Variants in PLCXD3 observed in about 807,000 individuals in gnomAD.
PLCXD3 encodes the protein phosphatidylinositol specific phospholipase C X domain containing 3.
In PLCXD3, 19 loss-of-function variants were observed where a neutral mutation model predicts 25.5. The ratio of observed to expected loss-of-function variants is 0.75; its 90% CI spans 0.52 to 1.09. The LOEUF is 1.09. PLCXD3 is among the 50% of genes least tolerant of loss of function. PLCXD3 has a pLI of 0.00. For missense variants in PLCXD3, 411 were observed against 388.1 expected, an observed-to-expected ratio of 1.06 and a Z score of -0.50; for synonymous variants, 174 against 137.6, an observed-to-expected ratio of 1.26 and a Z score of -1.85.
At chr5:41,423,042 CA>C (rs1746866203) in intron 1 of PLCXD3, among the ~76,000 whole-genome samples, 1 of 151,998 alleles carries the variant, frequency 6.6e-6, no homozygotes, top group African/African-American at 2.4e-5. Context: ...TGAATATTAT[CA>C]AATGCCTTTT....
At position 41,338,432 on chromosome 5, in the gene PLCXD3, C is replaced by T. The variant is rs192461793; in HGVS notation, c.813-24662G>A. ...CCTGAGAATAGCCCTGCTACTACCGCCCCTACTAACATGCGTGCATGCATG... is the reference window on the plus strand; with the variant it reads ...CCTGAGAATAGCCCTGCTACTACCGTCCCTACTAACATGCGTGCATGCATG... On this transcript the variant is annotated intron_variant, in intron 2 of 2. Coordinates refer to ENST00000377801, the MANE Select transcript of PLCXD3 (RefSeq NM_001005473.3). Among the ~76,000 whole-genome samples the T allele has an allele frequency of 4.8e-3, 737 of 152,150 alleles. 5 individuals are homozygous for T. The highest frequency in any genetic ancestry group is 0.01 in the Admixed American group (153 of 15,254).
intron 1 of PLCXD3, chr5:41,475,510 A>T (rs1748262806): frequency 2.2e-6 from 1 of 464,068 alleles, no homozygotes; most frequent in East Asian, 5.6e-5. Flanking sequence ...TTCCCTACCT[A>T]TCTCTATTTG....
chr5:41,464,578 T>C (rs1208424338), intron 1 of PLCXD3, among the ~76,000 whole-genome samples: 1 of 152,018 alleles, frequency 6.6e-6, no homozygotes, highest in Non-Finnish European at 1.5e-5. Context: ...ACTTAAAGTA[T>C]AATAAAAAAA....
Position 41,309,022 on chromosome 5 carries a change from CA to C in PLCXD3, c.*4594del, listed in dbSNP as rs1219743847. 3.3e-5 allele frequency: 5 copies of C among 152,428 alleles called. No individual in the cohort carries two copies. The highest frequency in any genetic ancestry group is 4.8e-5 in the African/African-American group (2 of 41,406). The allele number at this position is 152,428 out of a possible 1,614,324, so 9.4% of individuals were successfully genotyped here. A position where few individuals can be genotyped will look rare whatever the true frequency, so the allele number is the denominator to read the frequency against. ...CTGTTTCAATTTTAAATCCAAATTG[CA>C]AAAACAACAAAAAAGTGTTAATAAA... is the stretch of plus-strand genomic sequence containing the variant. On this transcript the variant is annotated 3_prime_UTR_variant, in exon 3 of 3. Coordinates refer to ENST00000377801, the MANE Select transcript of PLCXD3 (RefSeq NM_001005473.3).
At chr5:41,438,175 C>T (rs1243560320) in intron 1 of PLCXD3, among the ~76,000 whole-genome samples, 2 of 152,060 alleles carry the variant, frequency 1.3e-5, no homozygotes, top group East Asian at 3.9e-4. Context: ...TTAGAACAGC[C>T]CCGACAGACT....
At chr5:41,390,055 C>G (rs953450511) in intron 1 of PLCXD3, among the ~76,000 whole-genome samples, 17 of 152,092 alleles carry the variant, frequency 1.1e-4, no homozygotes, top group African/African-American at 3.9e-4. Flanking sequence ...ATATATCACT[C>G]TAAGTTAGTT....
chr5:41,308,642 G>C lies in PLCXD3; in HGVS notation c.*4975C>G, dbSNP rs1743056670. On this transcript the variant is annotated 3_prime_UTR_variant, in exon 3 of 3. Transcript: ENST00000377801. Reference sequence around the variant, plus strand: ...AAGAGAACCATGTTGGAACCACCTAGTATGGATGGGCCTTTAAAAGCTCTC... The same window carrying C: ...AAGAGAACCATGTTGGAACCACCTACTATGGATGGGCCTTTAAAAGCTCTC... The C allele has an allele frequency of 6.6e-6, 1 of 152,134 alleles. No individual in the cohort carries two copies. Among genetic ancestry groups the C allele is most frequent in the Non-Finnish European group, 1.5e-5 (1 of 68,018 alleles). The allele number at this position is 152,134 out of a possible 1,614,324, so 9.4% of individuals were successfully genotyped here. A position where few individuals can be genotyped will look rare whatever the true frequency, so the allele number is the denominator to read the frequency against.
At chr5:41,328,763 C>G (rs7703589) in intron 2 of PLCXD3, among the ~76,000 whole-genome samples, 12,845 of 152,144 alleles carry the variant, frequency 0.084, 827 homozygotes, top group East Asian at 0.35. Flanking sequence ...GTCGTCTTCT[C>G]ATATGCTGAC....
At chr5:41,506,392 G>C (rs570583282) in intron 1 of PLCXD3, among the ~76,000 whole-genome samples, 1 of 152,158 alleles carries the variant, frequency 6.6e-6, no homozygotes, top group East Asian at 1.9e-4. Flanking sequence ...GAATTAGAGA[G>C]GCAGAACAAG....
intron 1 of PLCXD3, among the ~76,000 whole-genome samples, chr5:41,449,309 A>G (rs899170803): frequency 2.0e-5 from 3 of 152,196 alleles, no homozygotes; most frequent in Non-Finnish European, 2.9e-5. Context: ...TGACTAAACA[A>G]GATTGATTTT....
intron 2 of PLCXD3, among the ~76,000 whole-genome samples, chr5:41,364,603 A>G (rs951677398): frequency 2.0e-5 from 3 of 152,176 alleles, no homozygotes; most frequent in East Asian, 1.9e-4. Flanking sequence ...ATATTATTAG[A>G]TCTCAGAGAC....
intron 1 of PLCXD3, among the ~76,000 whole-genome samples, chr5:41,439,289 A>G (rs1439447756): frequency 6.6e-6 from 1 of 152,178 alleles, no homozygotes; most frequent in Non-Finnish European, 1.5e-5. Context: ...TGCCTATCCA[A>G]CATTTATTTT....
intron 1 of PLCXD3, among the ~76,000 whole-genome samples, chr5:41,452,727 T>G (rs1747663816): frequency 6.6e-6 from 1 of 152,052 alleles, no homozygotes; most frequent in South Asian, 2.1e-4. Context: ...GTTAATGATT[T>G]TTTTGTGCAA....
intron 1 of PLCXD3, chr5:41,475,700 C>T (rs780603898): frequency 3.7e-6 from 2 of 534,782 alleles, no homozygotes; most frequent in Admixed American, 1.9e-5. Flanking sequence ...TTGAGACCAT[C>T]ACTACGACAG....
intron 2 of PLCXD3, among the ~76,000 whole-genome samples, chr5:41,341,004 C>G (rs1744124844): frequency 6.6e-6 from 1 of 152,050 alleles, no homozygotes; most frequent in South Asian, 2.1e-4. Context: ...GTAAGGTATT[C>G]TAAATAAATG....
chr5:41,469,809 G>A (rs1013727167), intron 1 of PLCXD3, among the ~76,000 whole-genome samples: 2 of 152,110 alleles, frequency 1.3e-5, no homozygotes, highest in East Asian at 3.9e-4. Flanking sequence ...TGCTAGTGGT[G>A]TTTTCTTTAC....
At chr5:41,381,645 G>T (rs1244486060) in intron 2 of PLCXD3, among the ~76,000 whole-genome samples, 181 bp downstream of exon 2, 1 of 151,984 alleles carries the variant, frequency 6.6e-6, no homozygotes, top group Non-Finnish European at 1.5e-5. Context: ...AGACTTCTAG[G>T]TTTCAGAACT....
chr5:41,412,282 T>C (rs1746572025), intron 1 of PLCXD3, among the ~76,000 whole-genome samples: 1 of 152,192 alleles, frequency 6.6e-6, no homozygotes, highest in South Asian at 2.1e-4. Flanking sequence ...CAAACATTGT[T>C]TAAATGATTG....
chr5:41,494,469 G>GT (rs1748791529), intron 1 of PLCXD3, among the ~76,000 whole-genome samples: 1 of 152,112 alleles, frequency 6.6e-6, no homozygotes, highest in South Asian at 2.1e-4. Context: ...TCCTTGAGTG[G>GT]TTTTAGGATT....
Sources: allele counts gnomAD v4.1 joint callset (sites outside exome capture counted in the v4.1 genomes callset), GRCh38; gene constraint gnomAD v4.1.1; transcripts MANE v1.5; gene names NCBI Gene and HGNC (gene_info 2026-07-23, HGNC 2026-07-21).